The following PSD3 variants were observed in gnomAD, a reference collection of about 807,000 sequenced individuals.
The protein encoded by PSD3 is PH and SEC7 domain-containing protein 3.
A neutral mutation model predicts 105.5 loss-of-function variants in PSD3; 49 were observed. The ratio of observed to expected loss-of-function variants is 0.46; its 90% confidence interval spans 0.37 to 0.59. The LOEUF (loss-of-function observed/expected upper bound fraction) is 0.59, where lower values mean the gene tolerates loss of function less well. PSD3 is among the 20% of genes least tolerant of loss of function. The pLI is 0.00. For synonymous variants in PSD3, 557 were observed against 457.8 expected (o/e 1.22, Z -2.77); for missense variants, 1,561 against 1,263.8 (o/e 1.24, Z -3.57).
intron 4 of PSD3, among the ~76,000 whole-genome samples, chr8:18,807,297 C>T (rs1811286672): frequency 6.6e-6 from 1 of 152,192 alleles, no homozygotes; most frequent in African/African-American, 2.4e-5. Context: ...CAAGTAGCTG[C>T]AAAGTCTCAT....
At chr8:18,752,497 AT>A (rs1337348222) in intron 9 of PSD3, among the ~76,000 whole-genome samples, 2 of 16,570 alleles carry the variant, frequency 1.2e-4, no homozygotes, top group African/African-American at 3.0e-4. Context: ...TATATAATAT[AT>A]ATAATATATA....
At chr8:18,729,738 C>T (rs1803593497) in intron 9 of PSD3, among the ~76,000 whole-genome samples, 1 of 152,160 alleles carries the variant, frequency 6.6e-6, no homozygotes, top group Non-Finnish European at 1.5e-5. Flanking sequence ...TGAAATGAGG[C>T]CACTGTGAGA....
intron 1 of PSD3, among the ~76,000 whole-genome samples, chr8:18,993,838 T>C (rs944359458): frequency 1.4e-5 from 2 of 146,346 alleles, no homozygotes; most frequent in Non-Finnish European, 3.1e-5. Context: ...TTATCCTCTG[T>C]TTTCCAGAAC....
At chr8:18,811,285 T>C (rs1267286251) in intron 4 of PSD3, among the ~76,000 whole-genome samples, 1 of 152,178 alleles carries the variant, frequency 6.6e-6, no homozygotes, top group Non-Finnish European at 1.5e-5. Flanking sequence ...CTTTACTACT[T>C]TTATAAGCTT....
At chr8:18,864,360 C>G (rs1412982606) in intron 4 of PSD3, among the ~76,000 whole-genome samples, 1 of 152,166 alleles carries the variant, frequency 6.6e-6, no homozygotes, top group Non-Finnish European at 1.5e-5. Context: ...CCTTTCTTCC[C>G]CCTATAGCTC....
intron 4 of PSD3, among the ~76,000 whole-genome samples, chr8:18,824,720 T>C (rs1214811260): frequency 6.6e-6 from 1 of 152,132 alleles, no homozygotes; most frequent in Admixed American, 6.6e-5. Context: ...GGGGAAGCAG[T>C]GAATAAGAAC....
Position 18,867,907 on chromosome 8 carries a change from C to T in PSD3, c.1401G>A (p.Glu467=). ...SAESLETLYS[E]PDSYFSFEMP... ...TTTCAAAGCTAAAATAGCTATCAGGCTCTGAGTATAATGTCTCCAGGGACT... is the reference window on the plus strand; with the variant it reads ...TTTCAAAGCTAAAATAGCTATCAGGTTCTGAGTATAATGTCTCCAGGGACT... Residue 467 remains glutamate (E), a synonymous_variant, in exon 4 of 16, where the codon GAG becomes GAA. Transcript: ENST00000327040. The T allele has an allele frequency of 6.2e-7, 1 of 1,614,144 alleles. No homozygotes were observed. The highest frequency in any genetic ancestry group is 8.5e-7 in the Non-Finnish European group (1 of 1,180,014).
chr8:18,817,914 C>T (rs770837263), intron 4 of PSD3, among the ~76,000 whole-genome samples: 13 of 152,132 alleles, frequency 8.5e-5, no homozygotes, highest in Non-Finnish European at 1.8e-4. Context: ...AAACTAAAAC[C>T]ATGATTACTA....
chr8:18,538,005 C>A (rs1396207936), intron 15 of PSD3, among the ~76,000 whole-genome samples: 1 of 152,182 alleles, frequency 6.6e-6, no homozygotes, highest in Non-Finnish European at 1.5e-5. Flanking sequence ...CCCTCCTTAA[C>A]ATGGACATGA....
At chr8:18,596,695 C>T (rs76462402) in intron 12 of PSD3, among the ~76,000 whole-genome samples, 5,357 of 151,992 alleles carry the variant, frequency 0.035, 298 homozygotes, top group East Asian at 0.22. Context: ...CTGTTATGAA[C>T]AATTATACAC....
At chr8:18,765,930 T>C (rs1806952348) in intron 8 of PSD3, among the ~76,000 whole-genome samples, 1 of 149,176 alleles carries the variant, frequency 6.7e-6, no homozygotes, top group East Asian at 2.0e-4. Flanking sequence ...ATGGTGCCAC[T>C]GCACTCCAGC....
intron 1 of PSD3, among the ~76,000 whole-genome samples, chr8:19,057,881 A>C (rs1828764247): frequency 6.6e-6 from 1 of 152,224 alleles, no homozygotes; most frequent in South Asian, 2.1e-4. Flanking sequence ...ACAGTTTGGC[A>C]GCTTTTTATA....
chr8:19,079,916 G>T (rs1586703401), intron 1 of PSD3, among the ~76,000 whole-genome samples: 2 of 143,418 alleles, frequency 1.4e-5, no homozygotes, highest in South Asian at 2.2e-4. Flanking sequence ...TTGAGACAGA[G>T]TCTAGCTCTG....
At chr8:18,944,307 C>A (rs1251855606) in intron 1 of PSD3, among the ~76,000 whole-genome samples, 1 of 152,162 alleles carries the variant, frequency 6.6e-6, no homozygotes, top group African/African-American at 2.4e-5. Context: ...TGGTGGCTCA[C>A]GCCTGCAATC....
chr8:18,824,066 G>T (rs1482255818), intron 4 of PSD3, among the ~76,000 whole-genome samples: 3 of 152,132 alleles, frequency 2.0e-5, no homozygotes, highest in Non-Finnish European at 4.4e-5. Context: ...CTGCCTACTT[G>T]GGAGGCTGAG....
intron 1 of PSD3, among the ~76,000 whole-genome samples, chr8:19,063,969 G>A (rs1586683659): frequency 6.6e-6 from 1 of 151,852 alleles, no homozygotes; most frequent in South Asian, 2.1e-4. Flanking sequence ...TGGTGAAACC[G>A]TATCTCTACT....
chr8:19,024,341 C>A (rs561535034), intron 1 of PSD3, among the ~76,000 whole-genome samples: 45 of 152,280 alleles, frequency 3.0e-4, no homozygotes, highest in African/African-American at 9.9e-4. Flanking sequence ...AAGAGGACAG[C>A]AGGGCTTAGA....
intron 8 of PSD3, chr8:18,786,643 T>G (rs946863809): frequency 2.0e-5 from 3 of 152,220 alleles, no homozygotes; most frequent in Non-Finnish European, 4.4e-5. Flanking sequence ...ATTCAAATAC[T>G]TGGAGTCCTA....
intron 1 of PSD3, among the ~76,000 whole-genome samples, chr8:19,042,948 C>A (rs1828176435): frequency 6.6e-6 from 1 of 152,142 alleles, no homozygotes; most frequent in Admixed American, 6.5e-5. Context: ...AGTGAGCTGG[C>A]CAACAATACG....
Sources: gnomAD v4.1 joint callset for allele counts (sites outside exome capture counted in the v4.1 genomes callset) on GRCh38, gnomAD v4.1.1 for gene constraint, MANE v1.5 for transcripts, NCBI Gene and HGNC (gene_info 2026-07-23, HGNC 2026-07-21) for gene names.